TAFA1: variants seen among roughly 807,000 people sequenced by gnomAD.
The protein encoded by TAFA1 is TAFA chemokine like family member 1.
In TAFA1, 4 loss-of-function variants were observed where a neutral mutation model predicts 18.5. The observed-to-expected ratio is 0.22, with a 90% CI of 0.11 to 0.49. TAFA1 has a LOEUF of 0.49. Among genes scored for constraint, TAFA1 ranks in the 20% least tolerant of loss-of-function variants. The pLI is 0.98. For missense variants in TAFA1, 147 were observed against 169.0 expected (o/e 0.87, Z 0.72); for synonymous variants, 56 against 55.2 (o/e 1.01, Z -0.06).
At chr3:68,393,426 C>A (rs1053129760) in intron 2 of TAFA1, among the ~76,000 whole-genome samples, 1 of 150,736 alleles carries the variant, frequency 6.6e-6, no homozygotes, top group Non-Finnish European at 1.5e-5. Flanking sequence ...CAAATTCTAC[C>A]AGACTTTCAA....
intron 2 of TAFA1, among the ~76,000 whole-genome samples, chr3:68,094,193 T>C (rs1019920548): frequency 6.6e-6 from 1 of 152,120 alleles, no homozygotes; most frequent in African/African-American, 2.4e-5. Flanking sequence ...TGTTCAAAAA[T>C]ATGATACCTA....
chr3:68,027,952 A>G (rs1704850991), intron 2 of TAFA1, among the ~76,000 whole-genome samples: 1 of 152,184 alleles, frequency 6.6e-6, no homozygotes, highest in Non-Finnish European at 1.5e-5. Flanking sequence ...CTTCTTACAT[A>G]TGTAACCTAA....
At chr3:68,344,541 A>C (rs1357997233) in intron 2 of TAFA1, among the ~76,000 whole-genome samples, 1 of 152,208 alleles carries the variant, frequency 6.6e-6, no homozygotes. Flanking sequence ...TCAGGACTGC[A>C]TCATTAACAT....
intron 2 of TAFA1, among the ~76,000 whole-genome samples, chr3:68,010,658 TACTC>T (rs1181574083): frequency 6.6e-6 from 1 of 152,206 alleles, no homozygotes; most frequent in African/African-American, 2.4e-5. Flanking sequence ...TATTTTCAGT[TACTC>T]ACTAGTTAAG....
intron 2 of TAFA1, among the ~76,000 whole-genome samples, chr3:68,338,036 G>A (rs1206559744): frequency 1.3e-5 from 2 of 152,216 alleles, no homozygotes; most frequent in African/African-American, 4.8e-5. Context: ...TTGGGTTGGA[G>A]TTCGTTTAAA....
At chr3:68,260,380 G>T (rs1327719682) in intron 2 of TAFA1, among the ~76,000 whole-genome samples, 1 of 152,068 alleles carries the variant, frequency 6.6e-6, no homozygotes, top group African/African-American at 2.4e-5. Flanking sequence ...GTTCATCAAG[G>T]ATATTGGTCT....
intron 2 of TAFA1, among the ~76,000 whole-genome samples, chr3:68,320,165 G>T (rs76003196): frequency 0.017 from 2,532 of 152,262 alleles, 95 homozygotes; most frequent in East Asian, 0.16. Context: ...TTGAGAGATG[G>T]TGTATGTTTT....
chr3:68,029,388 T>A (rs1704884324), intron 2 of TAFA1, among the ~76,000 whole-genome samples: 1 of 152,230 alleles, frequency 6.6e-6, no homozygotes, highest in South Asian at 2.1e-4. Context: ...CAATTTTTCT[T>A]GAAAATACTT....
chr3:67,998,529 GCAAGTGACC>G, the TAFA1 span, among the ~76,000 whole-genome samples: 1 of 152,182 alleles, frequency 6.6e-6, no homozygotes, highest in African/African-American at 2.4e-5. Context: ...TTAAGGAGGG[GCAAGTGACC>G]CAAGTTAAAC....
At chr3:68,200,203 A>T (rs1586818) in intron 2 of TAFA1, among the ~76,000 whole-genome samples, 1 of 151,214 alleles carries the variant, frequency 6.6e-6, no homozygotes, top group Non-Finnish European at 1.5e-5. Flanking sequence ...ATTATAGTGC[A>T]TAATTCTTTT....
chr3:68,242,817 C>CGT lies in TAFA1; in HGVS notation c.119-174449_119-174448dup, dbSNP rs375505011. 3.8e-4 allele frequency among the ~76,000 whole-genome samples: 57 copies of CGT among 151,288 alleles called. No homozygotes were observed. The East Asian group carries it at 6.6e-3, about 17-fold the overall frequency. ...GTGACTCTTAAGTAATGATGTGAGA[C>CGT]GTGTGTGTGTGTGTGCATTGGAAAA... On this transcript the variant is annotated intron_variant, in intron 2 of 4. Transcript: ENST00000478136.
chr3:68,544,420 T>C, intron 4 of TAFA1, 66 bp from the exon 5 acceptor site: 1 of 1,517,626 alleles, frequency 6.6e-7, no homozygotes, highest in Admixed American at 1.7e-5. Flanking sequence ...TTCTACATAA[T>C]CACATTTCTT....
chr3:68,423,808 G>T (rs1229032173), intron 3 of TAFA1, among the ~76,000 whole-genome samples: 1 of 151,824 alleles, frequency 6.6e-6, no homozygotes, highest in East Asian at 1.9e-4. Context: ...TTAACTAGTT[G>T]TTAGTAGGGG....
chr3:68,358,844 A>T (rs1192783171), intron 2 of TAFA1, among the ~76,000 whole-genome samples: 1 of 151,620 alleles, frequency 6.6e-6, no homozygotes, highest in African/African-American at 2.4e-5. Flanking sequence ...CATTTTTGTA[A>T]ACTGTTGTCA....
chr3:68,512,695 TG>T (rs2072867673), intron 3 of TAFA1, among the ~76,000 whole-genome samples: 2 of 151,402 alleles, frequency 1.3e-5, no homozygotes, highest in Non-Finnish European at 2.9e-5. Context: ...TTTGTTTGTT[TG>T]TTTGTTTGTT....
chr3:68,279,479 G>A (rs994972572), intron 2 of TAFA1, among the ~76,000 whole-genome samples: 12 of 151,924 alleles, frequency 7.9e-5, no homozygotes, highest in Admixed American at 6.6e-4. Flanking sequence ...AGATACTGTG[G>A]GTCATACAGA....
chr3:68,262,497 A>G (rs1364294008), intron 2 of TAFA1, among the ~76,000 whole-genome samples: 1 of 151,212 alleles, frequency 6.6e-6, no homozygotes, highest in African/African-American at 2.4e-5. Flanking sequence ...TGTATGCTCA[A>G]TGTTTAGCTC....
At chr3:68,344,218 A>G (rs886819528) in intron 2 of TAFA1, among the ~76,000 whole-genome samples, 2 of 152,126 alleles carry the variant, frequency 1.3e-5, no homozygotes, top group Admixed American at 1.3e-4. Flanking sequence ...ATATTTTTTC[A>G]AACAGATGTT....
At chr3:68,387,417 T>C (rs2070129182) in intron 2 of TAFA1, among the ~76,000 whole-genome samples, 1 of 152,086 alleles carries the variant, frequency 6.6e-6, no homozygotes, top group Non-Finnish European at 1.5e-5. Context: ...GAGCCTAGGG[T>C]ATTTATTTAT....
Sources: allele counts gnomAD v4.1 joint callset (sites outside exome capture counted in the v4.1 genomes callset), GRCh38; gene constraint gnomAD v4.1.1; transcripts MANE v1.5; gene names NCBI Gene and HGNC (gene_info 2026-07-23, HGNC 2026-07-21).